The following GPATCH2 variants were observed in gnomAD, a reference collection of about 807,000 sequenced individuals.
The protein encoded by GPATCH2 is G-patch domain containing 2, also known as G patch domain-containing protein 2.
GPATCH2 carries 51 observed loss-of-function variants against 58.0 expected under a neutral mutation model. The observed-to-expected ratio is 0.88, with a 90% CI of 0.70 to 1.11. The LOEUF is 1.11. Ranked by LOEUF, GPATCH2 falls within the 50% of genes most tolerant of loss-of-function variation. The probability of loss-of-function intolerance (pLI) is 0.00; values close to 1 mark genes in which losing one functional copy is unlikely to be tolerated. For missense variants in GPATCH2, 625 were observed against 652.2 expected (o/e 0.96, Z 0.45); for synonymous variants, 222 against 218.5 (o/e 1.02, Z -0.14).
Position 217,440,443 on chromosome 1 carries a change from A to C in GPATCH2, c.1366+8806T>G, listed in dbSNP as rs528990011. On this transcript the variant is annotated intron_variant, in intron 9 of 9. Transcript: ENST00000366935. ...AAAAGCTGGAAGCATTCCCTTTGAA[A>C]ACTGGCAAAAGACAAGGATGCCCTC... is the stretch of plus-strand genomic sequence containing the variant. Among the ~76,000 whole-genome samples the C allele has an allele frequency of 2.6e-5, 4 of 152,330 alleles. No homozygotes were observed. In the South Asian group the frequency reaches 8.3e-4, roughly 32 times the overall value.
At chr1:217,462,499 A>G (rs1261601329) in intron 8 of GPATCH2, among the ~76,000 whole-genome samples, 1 of 151,854 alleles carries the variant, frequency 6.6e-6, no homozygotes, top group Non-Finnish European at 1.5e-5. Context: ...TGGCATAGAA[A>G]TAAGACTAAA....
intron 8 of GPATCH2, among the ~76,000 whole-genome samples, chr1:217,450,805 A>T (rs1659630574): frequency 6.6e-6 from 1 of 152,178 alleles, no homozygotes; most frequent in Admixed American, 6.5e-5. Flanking sequence ...GATGCCAAGA[A>T]AAATGAATAG....
chr1:217,587,649 T>C (rs1217345176), intron 5 of GPATCH2, among the ~76,000 whole-genome samples: 1 of 152,038 alleles, frequency 6.6e-6, no homozygotes, highest in Non-Finnish European at 1.5e-5. Context: ...CTGTTAGAGT[T>C]TGAGAACTCA....
At chr1:217,567,654 C>T (rs754592047) in intron 5 of GPATCH2, among the ~76,000 whole-genome samples, 5 of 152,106 alleles carry the variant, frequency 3.3e-5, no homozygotes, top group Non-Finnish European at 7.3e-5. Context: ...ATCTAGACAC[C>T]GTTCATAAAC....
At chr1:217,514,688 T>G (rs1663033531) in intron 6 of GPATCH2, 134 bp downstream of exon 6, 1 of 479,636 alleles carries the variant, frequency 2.1e-6, no homozygotes, top group Non-Finnish European at 3.8e-6. Flanking sequence ...CTTACATTAT[T>G]ATCAATGGTA....
intron 5 of GPATCH2, among the ~76,000 whole-genome samples, chr1:217,560,396 CTT>C (rs1385746555): frequency 6.6e-6 from 1 of 152,180 alleles, no homozygotes; most frequent in African/African-American, 2.4e-5. Flanking sequence ...TTGTTTTCCT[CTT>C]TGCTCATCAG....
chr1:217,537,930 A>C (rs1316674761), intron 5 of GPATCH2, among the ~76,000 whole-genome samples: 2 of 152,200 alleles, frequency 1.3e-5, no homozygotes, highest in African/African-American at 4.8e-5. Flanking sequence ...TCTTTCAGTA[A>C]CAAACACTAG....
intron 8 of GPATCH2, among the ~76,000 whole-genome samples, chr1:217,485,449 G>A (rs1661411146): frequency 6.8e-6 from 1 of 148,110 alleles, no homozygotes; most frequent in African/African-American, 2.6e-5. Flanking sequence ...GTTAGGTGTG[G>A]GTTGAATATC....
At chr1:217,563,384 G>C (rs1175747664) in intron 5 of GPATCH2, among the ~76,000 whole-genome samples, 3 of 152,080 alleles carry the variant, frequency 2.0e-5, no homozygotes, top group African/African-American at 4.8e-5. Flanking sequence ...CATGGACTGA[G>C]CCAAAATTAA....
chr1:217,507,101 C>T (rs1001664346), intron 6 of GPATCH2, among the ~76,000 whole-genome samples: 43 of 152,174 alleles, frequency 2.8e-4, no homozygotes, highest in Admixed American at 2.0e-4. Context: ...CTACTGTACA[C>T]CCGGCACCTA....
At chr1:217,562,884 C>A (rs1665999055) in intron 5 of GPATCH2, among the ~76,000 whole-genome samples, 1 of 152,218 alleles carries the variant, frequency 6.6e-6, no homozygotes, top group Non-Finnish European at 1.5e-5. Flanking sequence ...ATTCTTCCTA[C>A]TCTTTTCTAG....
At chr1:217,489,065 A>T (rs1301183449) in intron 8 of GPATCH2, among the ~76,000 whole-genome samples, 2 of 147,448 alleles carry the variant, frequency 1.4e-5, no homozygotes, top group African/African-American at 5.0e-5. Context: ...CTTTCTATGT[A>T]TCTTATTTTC....
intron 1 of GPATCH2, among the ~76,000 whole-genome samples, chr1:217,625,420 C>T (rs997383809): frequency 7.2e-5 from 11 of 152,030 alleles, no homozygotes; most frequent in East Asian, 5.8e-4. Flanking sequence ...TCTTAAATGT[C>T]AGTTAGCAAT....
intron 8 of GPATCH2, among the ~76,000 whole-genome samples, chr1:217,460,915 A>G (rs904400895): frequency 1.3e-5 from 2 of 152,214 alleles, no homozygotes; most frequent in African/African-American, 2.4e-5. Context: ...AAGAGAGTCT[A>G]CAATTTACTT....
At chr1:217,605,928 T>C (rs1204185147) in intron 5 of GPATCH2, among the ~76,000 whole-genome samples, 1 of 152,054 alleles carries the variant, frequency 6.6e-6, no homozygotes, top group South Asian at 2.1e-4. Flanking sequence ...TCCTGGATAA[T>C]AGCCTCCACA....
intron 5 of GPATCH2, among the ~76,000 whole-genome samples, chr1:217,583,970 A>T (rs987392128): frequency 6.6e-6 from 1 of 152,134 alleles, no homozygotes; most frequent in Non-Finnish European, 1.5e-5. Context: ...TCAGATTTAA[A>T]AAGTGAAATT....
intron 5 of GPATCH2, among the ~76,000 whole-genome samples, chr1:217,550,814 A>G (rs1383432774): frequency 1.3e-5 from 2 of 151,418 alleles, no homozygotes; most frequent in Non-Finnish European, 3.0e-5. Context: ...GCAATAAAAT[A>G]TCTGTGATAT....
chr1:217,583,147 T>C (rs1256179887), intron 5 of GPATCH2, among the ~76,000 whole-genome samples: 1 of 152,108 alleles, frequency 6.6e-6, no homozygotes, highest in Non-Finnish European at 1.5e-5. Flanking sequence ...ATTAAATAAC[T>C]GGAGCACAGA....
At chr1:217,608,476 A>G in intron 5 of GPATCH2, 2 of 985,278 alleles carry the variant, frequency 2.0e-6, no homozygotes, top group Non-Finnish European at 2.4e-6. Context: ...TGTATCATCA[A>G]TACCATGAAG....
Sources: allele counts gnomAD v4.1 joint callset (sites outside exome capture counted in the v4.1 genomes callset), GRCh38; gene constraint gnomAD v4.1.1; transcripts MANE v1.5; gene names NCBI Gene and HGNC (gene_info 2026-07-23, HGNC 2026-07-21).